AP1B1: variants seen among roughly 807,000 people sequenced by gnomAD.
AP1B1 encodes AP-1 complex subunit beta-1.
AP1B1 carries 36 observed loss-of-function variants against 104.3 expected under a neutral mutation model. That is an observed-to-expected ratio of 0.35 (90% CI 0.26 to 0.46). The LOEUF (loss-of-function observed/expected upper bound fraction) is 0.46. AP1B1 is among the 20% of genes least tolerant of loss of function. The pLI, the probability that AP1B1 is intolerant of heterozygous loss-of-function variation, is 1.00. For missense variants in AP1B1, 901 were observed against 1,247.9 expected (o/e 0.72, Z 4.19); for synonymous variants, 504 against 517.5 (o/e 0.97, Z 0.35).
intron 2 of AP1B1, among the ~76,000 whole-genome samples, chr22:29,365,489 AAAAAAAAC>A (rs1312400939): frequency 7.7e-6 from 1 of 130,694 alleles, no homozygotes; most frequent in Non-Finnish European, 1.8e-5. Context: ...CTCTGTCTCA[AAAAAAAAC>A]AAACAAACAA....
intron 1 of AP1B1, among the ~76,000 whole-genome samples, chr22:29,372,289 T>G (rs907498920): frequency 6.6e-6 from 1 of 151,776 alleles, no homozygotes; most frequent in Non-Finnish European, 1.5e-5. Context: ...CCGGGCATGC[T>G]GGCGGGTGCC....
chr22:29,339,926 C>T (rs2061689729), intron 14 of AP1B1, 152 bp from the exon 15 acceptor site: 2 of 844,522 alleles, frequency 2.4e-6, no homozygotes, highest in East Asian at 2.7e-5. Flanking sequence ...TGAGGTCTGG[C>T]GAGAGGCCCA....
At chr22:29,382,302 C>T (rs927867115) in intron 1 of AP1B1, among the ~76,000 whole-genome samples, 2 of 152,180 alleles carry the variant, frequency 1.3e-5, no homozygotes, top group Non-Finnish European at 1.5e-5. Context: ...CCACCTCAGC[C>T]TCCCAAGTAG....
rs148013407 is a variant in AP1B1 at position 29,349,876 on chromosome 22, G to A, written c.1271+159C>T. ...TTATTTTGGCCTGGGGAGTAGAGGA[G>A]GGGCAGTGTGGACGAAATAAAAAAC... is the stretch of plus-strand genomic sequence containing the variant. On this transcript the variant is annotated intron_variant, in intron 10 of 22. Coordinates refer to ENST00000357586, the MANE Select transcript of AP1B1 (RefSeq NM_001127.4). Among the ~76,000 whole-genome samples, 8 of 152,298 alleles carry A rather than the reference G, an allele frequency of 5.3e-5. No individual in the cohort carries two copies. In the East Asian group the frequency reaches 1.5e-3, roughly 29 times the overall value.
chr22:29,353,784 C>A (rs1324694284), intron 7 of AP1B1, among the ~76,000 whole-genome samples: 4 of 152,146 alleles, frequency 2.6e-5, no homozygotes, highest in Admixed American at 2.0e-4. Context: ...CTGTAACATA[C>A]GAATGATCAA....
At chr22:29,333,191 T>C (rs2061587626) in intron 17 of AP1B1, 1 of 154,774 alleles carries the variant, frequency 6.5e-6, no homozygotes. Flanking sequence ...GTCAACTTCT[T>C]AGAGGCTCAG....
intron 18 of AP1B1, 40 bp downstream of exon 18, chr22:29,331,747 G>T (rs367968927): frequency 1.3e-5 from 21 of 1,613,966 alleles, no homozygotes; most frequent in Non-Finnish European, 1.7e-5. Flanking sequence ...CGGCTGGTAG[G>T]TGAGTAAGGA....
intron 1 of AP1B1, among the ~76,000 whole-genome samples, chr22:29,381,087 G>A (rs1197219508): frequency 6.6e-6 from 1 of 152,154 alleles, no homozygotes; most frequent in Admixed American, 6.5e-5. Context: ...CTTTGCCCGT[G>A]CTATTCACTT....
Position 29,356,475 on chromosome 22 carries a change from G to A in AP1B1, c.667C>T (p.Leu223=), listed in dbSNP as rs1195886350. ...ECTEWGQIFI[L]DCLANYMPKD... Reference sequence around the variant, plus strand: ...GGCATATAGTTGGCGAGGCAGTCCAGGATGAAGATCTGGCCCCACTCGGTG... The same window carrying A: ...GGCATATAGTTGGCGAGGCAGTCCAAGATGAAGATCTGGCCCCACTCGGTG... Residue 223 remains leucine, a synonymous_variant, in exon 6 of 23, where the codon CTG becomes TTG. Coordinates refer to ENST00000357586, the MANE Select transcript of AP1B1 (RefSeq NM_001127.4). The A allele has an allele frequency of 3.7e-6, 6 of 1,614,234 alleles. No individual in the cohort carries two copies. Among genetic ancestry groups the A allele is most frequent in the Non-Finnish European group, 5.1e-6 (6 of 1,180,028 alleles).
Position 29,331,891 on chromosome 22 carries a change from G to C in AP1B1, c.2335C>G (p.Leu779Val). The C allele has an allele frequency of 1.2e-6, 2 of 1,611,126 alleles. No individual in the cohort carries two copies. The highest frequency in any genetic ancestry group is 1.3e-5 in the African/African-American group (1 of 75,000). Residue 779 changes from leucine (L) to valine (V), a missense_variant, in exon 18 of 23, where the codon CTC (leucine) becomes GTC (valine). Physicochemically the swap from Leu to Val is conservative, Grantham distance 32 (BLOSUM62 1). This residue lies in a region of AP1B1 where 424 missense variants were observed against 494.0 expected (regional missense o/e 0.86). Transcript: ENST00000357586. Reference protein sequence around the residue: ...NSFGLAPAAPLQVHAPLSPNQ... With the variant: ...NSFGLAPAAPVQVHAPLSPNQ... The stretch of plus-strand genomic sequence containing the variant: ...GGGCTGAGTGGCGCGTGGACCTGGA[G>C]GGGGGCGGCGGGGGCCAGGCCAAAG...
At chr22:29,387,456 C>T (rs61295298) in intron 1 of AP1B1, among the ~76,000 whole-genome samples, 2,065 of 152,004 alleles carry the variant, frequency 0.014, 56 homozygotes, top group African/African-American at 0.047. Context: ...TACAGGCGTA[C>T]GCCACCATGT....
intron 12 of AP1B1, 93 bp downstream of exon 12, chr22:29,342,192 C>T (rs531650996): frequency 5.7e-5 from 58 of 1,017,394 alleles, no homozygotes; most frequent in South Asian, 7.3e-5. Context: ...GTCTTAGGAG[C>T]GGGCCTGGCT....
At chr22:29,365,860 CT>C (rs2062127530) in intron 2 of AP1B1, among the ~76,000 whole-genome samples, 2 of 151,808 alleles carry the variant, frequency 1.3e-5, no homozygotes, top group African/African-American at 4.8e-5. Context: ...ACAGTCCCCC[CT>C]GGACCCAGTA....
Position 29,352,842 on chromosome 22 carries a change from G to A in AP1B1, c.939-1017C>T, listed in dbSNP as rs375757249. 2.6e-4 allele frequency among the ~76,000 whole-genome samples: 39 copies of A among 152,242 alleles called. 1 individual carries two copies. The East Asian group carries it at 7.5e-3, about 29-fold the overall frequency. On this transcript the variant is annotated intron_variant, in intron 7 of 22. Coordinates refer to ENST00000357586, the MANE Select transcript of AP1B1 (RefSeq NM_001127.4). ...AAACCTGAGCATGAGGGTGGTCTTGGGACCCCAACATGGACACCGACCTAA... is the reference window on the plus strand; with the variant it reads ...AAACCTGAGCATGAGGGTGGTCTTGAGACCCCAACATGGACACCGACCTAA...
intron 8 of AP1B1, 144 bp downstream of exon 8, chr22:29,351,561 C>G (rs775274666): frequency 2.6e-6 from 3 of 1,133,604 alleles, no homozygotes; most frequent in Non-Finnish European, 3.7e-6. Flanking sequence ...TACTTGCTTA[C>G]GAAGCCCCAT....
chr22:29,341,874 G>T, intron 12 of AP1B1, 114 bp from the exon 13 acceptor site: 1 of 1,251,002 alleles, frequency 8.0e-7, no homozygotes, highest in Non-Finnish European at 1.1e-6. Context: ...GGGGACAGCA[G>T]TCCTGAGTGC....
At chr22:29,334,702 C>G (rs536020896) in intron 16 of AP1B1, among the ~76,000 whole-genome samples, 1 of 152,090 alleles carries the variant, frequency 6.6e-6, no homozygotes, top group Non-Finnish European at 1.5e-5. Flanking sequence ...GGAGGGATCA[C>G]TTGGGAAGTA....
chr22:29,362,190 G>A (rs576817980), intron 3 of AP1B1, among the ~76,000 whole-genome samples: 1 of 152,210 alleles, frequency 6.6e-6, no homozygotes, highest in South Asian at 2.1e-4. Flanking sequence ...ACACACAACC[G>A]GCTTTAGCCA....
At chr22:29,371,766 T>A (rs573742756) in intron 1 of AP1B1, among the ~76,000 whole-genome samples, 1 of 151,988 alleles carries the variant, frequency 6.6e-6, no homozygotes, top group Non-Finnish European at 1.5e-5. Context: ...AGAAAAAGCT[T>A]AGGGTTTGGA....
Sources: allele counts gnomAD v4.1 joint callset (sites outside exome capture counted in the v4.1 genomes callset), GRCh38; gene constraint gnomAD v4.1.1; regional missense constraint gnomAD v4.1.1; transcripts MANE v1.5; gene names NCBI Gene and HGNC (gene_info 2026-07-23, HGNC 2026-07-21).